Variants in ARHGAP31 observed in about 807,000 individuals in gnomAD.
The protein encoded by ARHGAP31 is Rho GTPase activating protein 31, also known as rho GTPase-activating protein 31.
ARHGAP31 carries 34 observed loss-of-function variants against 113.9 expected under a neutral mutation model. That is an observed-to-expected ratio of 0.30 (90% confidence interval 0.23 to 0.40). The LOEUF is 0.40. Ranked by LOEUF, ARHGAP31 falls within the 10% of genes least tolerant of loss-of-function variation. The probability of loss-of-function intolerance (pLI) is 1.00; values close to 1 mark genes in which losing one functional copy is unlikely to be tolerated. For missense variants in ARHGAP31, 1,548 were observed against 1,767.1 expected (o/e 0.88, Z 2.22); for synonymous variants, 650 against 684.8 (o/e 0.95, Z 0.79).
chr3:119,350,858 G>T (rs1469487180), intron 1 of ARHGAP31, among the ~76,000 whole-genome samples: 1 of 152,176 alleles, frequency 6.6e-6, no homozygotes, highest in Non-Finnish European at 1.5e-5. Flanking sequence ...CTAATGTTTT[G>T]TCCTGAAAGA....
intron 1 of ARHGAP31, among the ~76,000 whole-genome samples, chr3:119,295,622 T>C (rs1396423746): frequency 6.6e-6 from 1 of 152,014 alleles, no homozygotes; most frequent in Admixed American, 6.5e-5. Context: ...TTTTCCCTCC[T>C]CTTGGCTTTC....
chr3:119,416,957 CAAG>C lies in ARHGAP31; in HGVS notation c.*698_*700del, dbSNP rs1379845517. On this transcript the variant is annotated 3_prime_UTR_variant, in exon 12 of 12. Transcript: ENST00000264245. ...AGCAAACTCTGAGACTGGCACAATC[CAAG>C]AAGATTTCCTGGCTCTGGCTTTTAG... 3 of 155,168 alleles carry C rather than the reference CAAG, an allele frequency of 1.9e-5. No individual in the cohort carries two copies. The highest frequency in any genetic ancestry group is 2.8e-5 in the Non-Finnish European group (2 of 70,190). The allele number at this position is 155,168 out of a possible 1,614,324, so 9.6% of individuals were successfully genotyped here.
intron 8 of ARHGAP31, among the ~76,000 whole-genome samples, chr3:119,395,175 C>G: frequency 6.6e-6 from 1 of 152,162 alleles, no homozygotes; most frequent in East Asian, 1.9e-4. Context: ...TTTTTAACGA[C>G]TTTCCTCAAA....
intron 3 of ARHGAP31, among the ~76,000 whole-genome samples, chr3:119,374,516 C>A (rs1321264299): frequency 6.6e-6 from 1 of 152,192 alleles, no homozygotes; most frequent in East Asian, 1.9e-4. Flanking sequence ...ACCCAAACCT[C>A]ATCTCGAATT....
chr3:119,296,046 T>C (rs2079531242), intron 1 of ARHGAP31, among the ~76,000 whole-genome samples: 1 of 152,202 alleles, frequency 6.6e-6, no homozygotes, highest in Non-Finnish European at 1.5e-5. Flanking sequence ...AGGGGAAAAC[T>C]AAGGGCTGTG....
chr3:119,357,072 G>A (rs932727216), intron 1 of ARHGAP31, among the ~76,000 whole-genome samples: 6 of 152,136 alleles, frequency 3.9e-5, no homozygotes, highest in Non-Finnish European at 7.4e-5. Context: ...ACAAACTTAG[G>A]TACCTTTGCC....
intron 1 of ARHGAP31, among the ~76,000 whole-genome samples, chr3:119,316,752 A>G (rs1559964291): frequency 6.6e-6 from 1 of 152,234 alleles, no homozygotes; most frequent in Non-Finnish European, 1.5e-5. Context: ...AGGGTTCCCC[A>G]CCCTGCTTCA....
intron 1 of ARHGAP31, among the ~76,000 whole-genome samples, chr3:119,317,202 G>C (rs138078119): frequency 1.3e-5 from 2 of 148,598 alleles, no homozygotes; most frequent in African/African-American, 5.0e-5. Context: ...TTTTTGAGAC[G>C]GAGTCTCGCT....
chr3:119,329,932 C>A (rs2079876853), intron 1 of ARHGAP31: 3 of 985,456 alleles, frequency 3.0e-6, no homozygotes, highest in Non-Finnish European at 3.6e-6. Flanking sequence ...GGTAAACAAA[C>A]AAAGACGCTG....
chr3:119,307,009 CTTTAT>C (rs1307628831), intron 1 of ARHGAP31, among the ~76,000 whole-genome samples: 1 of 148,732 alleles, frequency 6.7e-6, no homozygotes, highest in African/African-American at 2.5e-5. Context: ...TTGTTTCAAT[CTTTAT>C]TTTTAGAAAA....
At position 119,395,177 on chromosome 3, in the gene ARHGAP31, T is replaced by C. The variant is rs543616367; in HGVS notation, c.1006+1586T>C. ...ATGTGAGATAATATTTTTAACGACTTTCCTCAAACCCGGTGATAATCACAT... is the reference window on the plus strand; with the variant it reads ...ATGTGAGATAATATTTTTAACGACTCTCCTCAAACCCGGTGATAATCACAT... On this transcript the variant is annotated intron_variant, in intron 8 of 11. Coordinates refer to ENST00000264245, the MANE Select transcript of ARHGAP31 (RefSeq NM_020754.4). Among the ~76,000 whole-genome samples, 65 of 152,344 alleles carry C rather than the reference T, an allele frequency of 4.3e-4. 1 individual carries two copies. Among genetic ancestry groups the C allele is most frequent in the African/African-American group, 1.5e-3 (64 of 41,566 alleles).
chr3:119,340,112 AC>A (rs1178722267), intron 1 of ARHGAP31, among the ~76,000 whole-genome samples: 9 of 152,382 alleles, frequency 5.9e-5, no homozygotes, highest in Admixed American at 5.9e-4. Context: ...AATGTGCAAG[AC>A]ATAAGCAGAC....
At position 119,382,310 on chromosome 3, in the gene ARHGAP31, T is replaced by C; in HGVS notation, c.450T>C (p.Ile150=). 1.9e-6 allele frequency: 3 copies of C among 1,614,178 alleles called. No homozygotes were observed. Among genetic ancestry groups the C allele is most frequent in the Non-Finnish European group, 1.7e-6 (2 of 1,180,022 alleles). The change falls in exon 5 of 12, where the codon ATT becomes ATC. Residue 150 remains isoleucine (I), a synonymous_variant. Coordinates refer to ENST00000264245, the MANE Select transcript of ARHGAP31 (RefSeq NM_020754.4). ...PSHYRTLEYL[I]RHLAHIASFS... ...ATTCTAGGACCTTGGAATACCTGAT[T>C]CGACACCTGGCCCATATCGCCTCCT...
chr3:119,401,396 A>G (rs2080605597), intron 9 of ARHGAP31, among the ~76,000 whole-genome samples: 1 of 152,196 alleles, frequency 6.6e-6, no homozygotes. Flanking sequence ...TTCTAAAATA[A>G]GACAAGATTC....
At chr3:119,317,213 C>G (rs1228134385) in intron 1 of ARHGAP31, among the ~76,000 whole-genome samples, 1 of 150,814 alleles carries the variant, frequency 6.6e-6, no homozygotes, top group Non-Finnish European at 1.5e-5. Context: ...GAGTCTCGCT[C>G]TGTCGCCCAG....
At chr3:119,393,345 A>G (rs2107636689) in intron 7 of ARHGAP31, 122 bp from the exon 8 acceptor site, 2 of 1,316,830 alleles carry the variant, frequency 1.5e-6, no homozygotes, top group Admixed American at 1.7e-5. Context: ...TTAGAGGGGA[A>G]TTTCTTGAAA....
intron 8 of ARHGAP31, among the ~76,000 whole-genome samples, chr3:119,397,106 G>T (rs2080559276): frequency 6.6e-6 from 1 of 152,164 alleles, no homozygotes; most frequent in African/African-American, 2.4e-5. Flanking sequence ...TGTGAGGCCA[G>T]GCCAAGGTCC....
chr3:119,378,013 C>A (rs1282778262), intron 3 of ARHGAP31, among the ~76,000 whole-genome samples: 3 of 152,084 alleles, frequency 2.0e-5, no homozygotes, highest in African/African-American at 7.2e-5. Flanking sequence ...AGTTAGGGTC[C>A]TACCACAGAG....
rs1259383665 is a variant in ARHGAP31 at position 119,294,808 on chromosome 3, G to T, written c.-97G>T. On this transcript the variant is annotated 5_prime_UTR_variant, in exon 1 of 12. Coordinates refer to ENST00000264245, the MANE Select transcript of ARHGAP31 (RefSeq NM_020754.4). ...TCTTCCGATGCGGCCCCCCAGAGCC[G>T]CGGGGCAGCCGGTGATCTAGCCCGG... 1.9e-5 allele frequency: 23 copies of T among 1,187,904 alleles called. No homozygotes were observed. In the Admixed American group the frequency reaches 3.8e-4, roughly 20 times the overall value. 73.6% of individuals were successfully genotyped at this position (1,187,904 alleles called of 1,614,324 possible). A position where few individuals can be genotyped will look rare whatever the true frequency, so the allele number is the denominator to read the frequency against.
Sources: gnomAD v4.1 joint callset for allele counts (sites outside exome capture counted in the v4.1 genomes callset) on GRCh38, gnomAD v4.1.1 for gene constraint, MANE v1.5 for transcripts, NCBI Gene and HGNC (gene_info 2026-07-23, HGNC 2026-07-21) for gene names.